Variants in CCSER1 observed in about 807,000 individuals in gnomAD.
The protein encoded by CCSER1 is coiled-coil serine rich protein 1, also known as serine-rich coiled-coil domain-containing protein 1.
CCSER1 carries 41 observed loss-of-function variants against 82.0 expected under a neutral mutation model. That is an observed-to-expected ratio of 0.50 (90% CI 0.39 to 0.65). The LOEUF (loss-of-function observed/expected upper bound fraction) is 0.65. Among genes scored for constraint, CCSER1 ranks in the 30% least tolerant of loss-of-function variants. The pLI is 0.00. For synonymous variants in CCSER1, 414 were observed against 383.9 expected (o/e 1.08, Z -0.92); for missense variants, 1,119 against 1,064.2 (o/e 1.05, Z -0.72).
At chr4:91,079,717 C>T (rs1396228687) in intron 9 of CCSER1, among the ~76,000 whole-genome samples, 2 of 152,070 alleles carry the variant, frequency 1.3e-5, no homozygotes, top group African/African-American at 4.8e-5. Flanking sequence ...TAAAGGGATG[C>T]AGGAAGATCA....
chr4:91,171,684 AT>A (rs1015882488), intron 10 of CCSER1, among the ~76,000 whole-genome samples: 1 of 151,854 alleles, frequency 6.6e-6, no homozygotes, highest in African/African-American at 2.4e-5. Flanking sequence ...TCTCTATACT[AT>A]TTTTTTACCT....
At chr4:90,752,411 A>G (rs1448404154) in intron 7 of CCSER1, among the ~76,000 whole-genome samples, 1 of 152,124 alleles carries the variant, frequency 6.6e-6, no homozygotes, top group Non-Finnish European at 1.5e-5. Context: ...TTGAATTCAC[A>G]GGAGGGGAGT....
At chr4:90,554,627 CAA>C (rs1777903774) in intron 5 of CCSER1, among the ~76,000 whole-genome samples, 1 of 152,138 alleles carries the variant, frequency 6.6e-6, no homozygotes, top group African/African-American at 2.4e-5. Context: ...CAGCTAAATG[CAA>C]TCCCCCAAGG....
chr4:90,158,912 G>T (rs542240640), intron 1 of CCSER1, among the ~76,000 whole-genome samples: 9 of 152,040 alleles, frequency 5.9e-5, no homozygotes, highest in South Asian at 2.1e-4. Flanking sequence ...CTGGCACTCC[G>T]CAGTGAGATG....
At chr4:90,750,677 A>G (rs936640884) in intron 7 of CCSER1, among the ~76,000 whole-genome samples, 2 of 152,178 alleles carry the variant, frequency 1.3e-5, no homozygotes, top group African/African-American at 4.8e-5. Flanking sequence ...TTTTTAAAGA[A>G]TTTTGAAGAA....
chr4:91,176,853 T>G (rs150233314), intron 10 of CCSER1, among the ~76,000 whole-genome samples: 1,799 of 152,310 alleles, frequency 0.012, 34 homozygotes, highest in African/African-American at 0.04. Context: ...CTTCCAACAC[T>G]ATGTTGAATA....
chr4:90,154,217 T>C (rs1288819792), intron 1 of CCSER1, among the ~76,000 whole-genome samples: 18 of 152,232 alleles, frequency 1.2e-4, no homozygotes, highest in African/African-American at 3.6e-4. Flanking sequence ...CTGAGGGCTC[T>C]GTTCTGTTCC....
chr4:90,312,477 C>CG (rs1735474446), intron 2 of CCSER1, among the ~76,000 whole-genome samples: 1 of 151,882 alleles, frequency 6.6e-6, no homozygotes, highest in Non-Finnish European at 1.5e-5. Context: ...GATTGTGTTG[C>CG]GGGTGGAGAG....
chr4:90,777,216 G>A (rs550530006), intron 7 of CCSER1, among the ~76,000 whole-genome samples: 1 of 152,040 alleles, frequency 6.6e-6, no homozygotes, highest in African/African-American at 2.4e-5. Context: ...AATCAGCCAG[G>A]CGTGGTGGTG....
intron 1 of CCSER1, among the ~76,000 whole-genome samples, chr4:90,288,242 A>G (rs970230778): frequency 1.3e-5 from 2 of 152,024 alleles, no homozygotes; most frequent in East Asian, 3.9e-4. Context: ...CTGACACTTC[A>G]TCTCAAATAG....
intron 1 of CCSER1, among the ~76,000 whole-genome samples, chr4:90,273,126 G>T (rs974886815): frequency 2.0e-5 from 3 of 152,106 alleles, no homozygotes; most frequent in African/African-American, 7.2e-5. Context: ...GACAAACTTT[G>T]CATGTTCTCA....
At chr4:90,851,166 C>CT (rs902724353) in intron 8 of CCSER1, among the ~76,000 whole-genome samples, 9 of 152,286 alleles carry the variant, frequency 5.9e-5, no homozygotes, top group African/African-American at 2.2e-4. Flanking sequence ...TAAATTAAAT[C>CT]TTTTTTCTTT....
intron 9 of CCSER1, among the ~76,000 whole-genome samples, chr4:91,076,431 A>G (rs72886680): frequency 0.047 from 7,179 of 152,054 alleles, 564 homozygotes; most frequent in African/African-American, 0.16. Flanking sequence ...ATGTTACAAT[A>G]AATTTGTATT....
chr4:91,579,689 A>G (rs942072774), intron 10 of CCSER1, among the ~76,000 whole-genome samples: 2 of 151,746 alleles, frequency 1.3e-5, no homozygotes, highest in African/African-American at 4.8e-5. Context: ...TTACTGAATG[A>G]AAGAAAAATC....
At chr4:91,239,040 G>A (rs1323074926) in intron 10 of CCSER1, among the ~76,000 whole-genome samples, 5 of 151,896 alleles carry the variant, frequency 3.3e-5, no homozygotes, top group African/African-American at 7.3e-5. Context: ...TAGCCAGGAT[G>A]GTCTCGATCT....
intron 7 of CCSER1, among the ~76,000 whole-genome samples, chr4:90,790,407 C>T (rs1426720712): frequency 6.6e-6 from 1 of 152,104 alleles, no homozygotes; most frequent in Non-Finnish European, 1.5e-5. Flanking sequence ...CCAAGGTATA[C>T]CTCTCCACAT....
intron 10 of CCSER1, among the ~76,000 whole-genome samples, chr4:91,120,335 T>C (rs1009547014): frequency 6.6e-6 from 1 of 152,050 alleles, no homozygotes; most frequent in Non-Finnish European, 1.5e-5. Flanking sequence ...GGTTCTGCTA[T>C]ATAATTACGT....
intron 5 of CCSER1, among the ~76,000 whole-genome samples, chr4:90,574,716 A>AAAT (rs1226568283): frequency 1.3e-5 from 2 of 151,742 alleles, no homozygotes; most frequent in Non-Finnish European, 2.9e-5. Context: ...TTCAAATTAT[A>AAAT]AATAATAATA....
At chr4:90,188,587 A>G (rs1011959081) in intron 1 of CCSER1, among the ~76,000 whole-genome samples, 1 of 151,944 alleles carries the variant, frequency 6.6e-6, no homozygotes, top group African/African-American at 2.4e-5. Context: ...TTTACATACT[A>G]AGTTTTAGTA....
Sources: gnomAD v4.1 joint callset for allele counts (sites outside exome capture counted in the v4.1 genomes callset) on GRCh38, gnomAD v4.1.1 for gene constraint, MANE v1.5 for transcripts, NCBI Gene and HGNC (gene_info 2026-07-23, HGNC 2026-07-21) for gene names.